DNA2: variants seen among roughly 807,000 people sequenced by gnomAD.
The protein encoded by DNA2 is DNA replication helicase/nuclease 2, also known as DNA replication ATP-dependent helicase/nuclease DNA2.
DNA2 carries 101 observed loss-of-function variants against 119.1 expected under a neutral mutation model. The observed-to-expected ratio is 0.85, with a 90% CI of 0.72 to 1.00. The LOEUF (loss-of-function observed/expected upper bound fraction) is 1.00, where lower values mean the gene tolerates loss of function less well. Ranked by LOEUF, DNA2 falls within the 50% of genes least tolerant of loss-of-function variation. The pLI is 0.00. For synonymous variants in DNA2, 366 were observed against 424.4 expected (o/e 0.86, Z 1.69); for missense variants, 1,121 against 1,255.5 (o/e 0.89, Z 1.62).
chr10:68,469,371 C>T (rs181615709), intron 2 of DNA2, among the ~76,000 whole-genome samples: 1,793 of 145,698 alleles, frequency 0.012, 13 homozygotes, highest in Middle Eastern at 0.021. Flanking sequence ...ATGGTGAAAC[C>T]CTGTCTCTAC....
At chr10:68,438,248 G>A (rs371606171) in intron 9 of DNA2, among the ~76,000 whole-genome samples, 21 of 152,236 alleles carry the variant, frequency 1.4e-4, no homozygotes, top group African/African-American at 3.9e-4. Context: ...AGCCAGGCGC[G>A]GTGGCTCACG....
At position 68,465,737 on chromosome 10, in the gene DNA2, T is replaced by C. The variant is rs2052319191; in HGVS notation, c.517A>G (p.Ser173Gly). The change falls in exon 4 of 21, where the codon AGC (serine) becomes GGC (glycine). Residue 173 changes from serine to glycine, a missense_variant. Physicochemically the swap from Ser to Gly is moderately conservative, Grantham distance 56 (BLOSUM62 0). Coordinates refer to ENST00000358410, the MANE Select transcript of DNA2 (RefSeq NM_001080449.3). ...TCTTGTAGCTTTTCTGGGGCAAAGC[T>C]ATTATTTATGGCTTTTTGAAACACC... The part of the protein sequence containing the change: ...HEVFQKAINN[S>G]FAPEKLQELA... The C allele has an allele frequency of 1.2e-6, 2 of 1,609,138 alleles. No homozygotes were observed. The highest frequency in any genetic ancestry group is 2.2e-5 in the South Asian group (2 of 89,818).
At chr10:68,424,982 G>C in intron 14 of DNA2, 3 of 573,684 alleles carry the variant, frequency 5.2e-6, no homozygotes, top group Non-Finnish European at 9.8e-6. Flanking sequence ...AACTTATTGA[G>C]AAAATGCAGG....
At chr10:68,439,010 G>C (rs2051929450) in intron 9 of DNA2, among the ~76,000 whole-genome samples, 1 of 132,366 alleles carries the variant, frequency 7.6e-6, no homozygotes, top group South Asian at 2.6e-4. Flanking sequence ...TCCAGCCTGG[G>C]CAACAGAGCA....
chr10:68,444,222 T>G (rs377276137), intron 8 of DNA2, among the ~76,000 whole-genome samples: 2 of 151,828 alleles, frequency 1.3e-5, no homozygotes, highest in East Asian at 3.9e-4. Flanking sequence ...AAACCCTGTC[T>G]CTACTAAAAA....
intron 14 of DNA2, among the ~76,000 whole-genome samples, chr10:68,427,366 C>T (rs2051756058): frequency 1.3e-5 from 2 of 150,772 alleles, no homozygotes; most frequent in Admixed American, 1.3e-4. Context: ...AAAAAAAACC[C>T]CACCACATTA....
rs920701686 is a variant in DNA2 at position 68,445,579 on chromosome 10, C to T, written c.1058-496G>A. Among the ~76,000 whole-genome samples, 67 of 152,030 alleles carry T rather than the reference C, an allele frequency of 4.4e-4. 4 individuals carry two copies. Among genetic ancestry groups the T allele is most frequent in the Non-Finnish European group, 5.9e-5 (4 of 68,008 alleles). ...ACAACATTTTGGTATTCATATTTCC[C>T]ACTATACTAGAATAACAACATTTTG... On this transcript the variant is annotated intron_variant, in intron 7 of 20. Coordinates refer to ENST00000358410, the MANE Select transcript of DNA2 (RefSeq NM_001080449.3).
intron 7 of DNA2, 52 bp downstream of exon 7, chr10:68,446,244 C>A (rs764831541): frequency 1.8e-4 from 175 of 947,362 alleles, no homozygotes; most frequent in Non-Finnish European, 2.3e-4. Context: ...TCACTAGAAG[C>A]TGAAGTGGGG....
At chr10:68,453,697 A>G (rs1460181067) in intron 5 of DNA2, among the ~76,000 whole-genome samples, 2 of 152,168 alleles carry the variant, frequency 1.3e-5, no homozygotes, top group Non-Finnish European at 2.9e-5. Flanking sequence ...CGTTGTTACA[A>G]TTGCCTACAG....
upstream of DNA2, chr10:68,471,991 T>C: frequency 1.8e-5 from 29 of 1,611,376 alleles, no homozygotes; most frequent in Non-Finnish European, 2.3e-5. Context: ...CCCGCAGATG[T>C]CCCAAATGAC....
chr10:68,420,561 CT>C (rs1225124958), intron 17 of DNA2, among the ~76,000 whole-genome samples: 3 of 150,980 alleles, frequency 2.0e-5, no homozygotes, highest in African/African-American at 7.3e-5. Flanking sequence ...AAACTTAGAT[CT>C]GGGTCGTATA....
Position 68,419,068 on chromosome 10 carries a change from A to G in DNA2, c.2933T>C (p.Leu978Pro). 1 of 1,610,368 alleles carries G rather than the reference A, an allele frequency of 6.2e-7. No homozygotes were observed. The highest frequency in any genetic ancestry group is 1.3e-5 in the African/African-American group (1 of 74,842). The change falls in exon 19 of 21, where the codon CTA (leucine) becomes CCA (proline). Residue 978 changes from leucine to proline, a missense_variant. Transcript: ENST00000358410. The stretch of plus-strand genomic sequence containing the variant: ...CTTATTACTTCTAACAAAAGATACT[A>G]GGACAATACTTTTGTCCCTTCCTTG... Reference protein sequence around the residue: ...KYQGRDKSIVLVSFVRSNKDG... With the variant: ...KYQGRDKSIVPVSFVRSNKDG...
At chr10:68,428,122 T>C (rs1188229394) in intron 14 of DNA2, among the ~76,000 whole-genome samples, 1 of 151,036 alleles carries the variant, frequency 6.6e-6, no homozygotes, top group Non-Finnish European at 1.5e-5. Flanking sequence ...GGTCAGGAGA[T>C]TGAGACCATC....
At chr10:68,425,067 C>A in intron 14 of DNA2, 1 of 331,454 alleles carries the variant, frequency 3.0e-6, no homozygotes, top group South Asian at 3.4e-5. Flanking sequence ...TGGAACTTTT[C>A]AGAATGTCTC....
intron 4 of DNA2, among the ~76,000 whole-genome samples, chr10:68,460,315 G>A (rs1337160214): frequency 6.6e-6 from 1 of 151,786 alleles, no homozygotes; most frequent in African/African-American, 2.4e-5. Flanking sequence ...CACCATGTTG[G>A]CCAGGCTGGT....
rs540241779 is a variant in DNA2, at chr10:68,470,045, G to T, written c.193C>A (p.Arg65Ser). ...GACTGTGAAGCAGTGATGACCAGGC[G>T]CTTTTCACAGTTTCCCTCTTTGTTC... is the stretch of plus-strand genomic sequence containing the variant. Reference protein sequence around the residue: ...VQNKEGNCEKRLVITASQSLE... With the variant: ...VQNKEGNCEKSLVITASQSLE... The change falls in exon 2 of 21, where the codon CGC becomes AGC. Residue 65 changes from arginine (R) to serine (S), a missense_variant. Transcript: ENST00000358410. The T allele has an allele frequency of 2.4e-5, 39 of 1,613,656 alleles. No homozygotes were observed. The African/African-American group carries it at 4.7e-4, about 19-fold the overall frequency.
At chr10:68,419,928 A>G (rs372492594) in intron 17 of DNA2, 36 bp from the exon 18 acceptor site, 11 of 1,556,196 alleles carry the variant, frequency 7.1e-6, no homozygotes, top group South Asian at 1.1e-5. Context: ...TGATAATACA[A>G]TCTCTAAAGA....
rs746029873 is a variant in DNA2, at chr10:68,456,857, G to A, written c.719+2247C>T. 1.3e-4 allele frequency among the ~76,000 whole-genome samples: 20 copies of A among 151,546 alleles called. 1 individual carries two copies. In the South Asian group the frequency reaches 3.3e-3, roughly 25 times the overall value. Reference sequence around the variant, plus strand: ...CAGTTTAAAAAAAAAAAAAGGAGCCGGGCACGGTGGCTCACGCCTGTAATC... The same window carrying A: ...CAGTTTAAAAAAAAAAAAAGGAGCCAGGCACGGTGGCTCACGCCTGTAATC... On this transcript the variant is annotated intron_variant, in intron 5 of 20. Transcript: ENST00000358410.
At chr10:68,438,516 T>A (rs2051922377) in intron 9 of DNA2, among the ~76,000 whole-genome samples, 1 of 132,236 alleles carries the variant, frequency 7.6e-6, no homozygotes, top group East Asian at 2.4e-4. Context: ...TGAAACTCCG[T>A]CTCAAAAAAA....
Sources: allele counts gnomAD v4.1 joint callset (sites outside exome capture counted in the v4.1 genomes callset), GRCh38; gene constraint gnomAD v4.1.1; transcripts MANE v1.5; gene names NCBI Gene and HGNC (gene_info 2026-07-23, HGNC 2026-07-21).